The following GRID2 variants were observed in gnomAD, a reference collection of about 807,000 sequenced individuals.
The protein encoded by GRID2 is glutamate receptor ionotropic, delta-2.
Under a neutral mutation model 114.8 loss-of-function variants are expected in GRID2, and 33 were observed. That is an observed-to-expected ratio of 0.29 (90% confidence interval 0.22 to 0.38). GRID2 has a LOEUF of 0.38. Among genes scored for constraint, GRID2 ranks in the 10% least tolerant of loss-of-function variants. The pLI is 1.00. For missense variants in GRID2, 1,184 were observed against 1,257.7 expected, an observed-to-expected ratio of 0.94 and a Z score of 0.89; for synonymous variants, 505 against 449.9, an observed-to-expected ratio of 1.12 and a Z score of -1.55.
intron 9 of GRID2, among the ~76,000 whole-genome samples, chr4:93,408,593 A>C (rs1429198500): frequency 6.6e-6 from 1 of 152,156 alleles, no homozygotes; most frequent in Non-Finnish European, 1.5e-5. Context: ...TCAGTACTAC[A>C]GTCTGGATCC....
chr4:92,792,823 G>A (rs1266893466), intron 2 of GRID2, among the ~76,000 whole-genome samples: 1 of 150,918 alleles, frequency 6.6e-6, no homozygotes, highest in Non-Finnish European at 1.5e-5. Context: ...CATAATGCCA[G>A]TCTACGATCT....
chr4:92,534,422 G>C (rs1321102375), intron 1 of GRID2, among the ~76,000 whole-genome samples: 2 of 152,042 alleles, frequency 1.3e-5, no homozygotes, highest in Admixed American at 1.3e-4. Context: ...ATCTTCTGAA[G>C]ATAAAAACAG....
chr4:93,708,490 T>G (rs2118987), intron 14 of GRID2, among the ~76,000 whole-genome samples: 146,332 of 152,076 alleles, frequency 0.96, 70,467 homozygotes, highest in East Asian at 1. Context: ...AGCTACTTCT[T>G]ATCTTTTCCG....
At chr4:92,438,586 G>A (rs1051525436) in intron 1 of GRID2, among the ~76,000 whole-genome samples, 4 of 151,526 alleles carry the variant, frequency 2.6e-5, no homozygotes, top group African/African-American at 9.7e-5. Flanking sequence ...TTCTGTGTGT[G>A]TGTGTGTGTG....
At chr4:93,720,744 A>G (rs1017782430) in intron 14 of GRID2, among the ~76,000 whole-genome samples, 2 of 152,230 alleles carry the variant, frequency 1.3e-5, no homozygotes, top group Non-Finnish European at 2.9e-5. Context: ...AGGAAAGTTT[A>G]ATCACTACAT....
At chr4:93,337,759 A>C (rs1443640354) in intron 8 of GRID2, among the ~76,000 whole-genome samples, 3 of 152,216 alleles carry the variant, frequency 2.0e-5, no homozygotes, top group African/African-American at 7.2e-5. Context: ...ACAAATAAAA[A>C]TGTTTATATG....
chr4:93,131,951 T>G (rs1263474901), intron 4 of GRID2, among the ~76,000 whole-genome samples: 2 of 152,200 alleles, frequency 1.3e-5, no homozygotes, highest in African/African-American at 4.8e-5. Flanking sequence ...TATTGTTATA[T>G]CTGTGATCTG....
intron 8 of GRID2, among the ~76,000 whole-genome samples, chr4:93,283,343 G>T (rs567459422): frequency 2.0e-5 from 3 of 151,926 alleles, no homozygotes; most frequent in Non-Finnish European, 4.4e-5. Context: ...AATGAAACTT[G>T]TTTTCTTTCT....
At chr4:93,044,100 A>C (rs1006113081) in intron 2 of GRID2, among the ~76,000 whole-genome samples, 1 of 152,088 alleles carries the variant, frequency 6.6e-6, no homozygotes, top group East Asian at 1.9e-4. Context: ...GAAAACCAAC[A>C]AGTATTTCTC....
intron 13 of GRID2, among the ~76,000 whole-genome samples, chr4:93,602,096 C>A (rs1186581805): frequency 6.6e-6 from 1 of 152,116 alleles, no homozygotes; most frequent in Non-Finnish European, 1.5e-5. Context: ...ATTGCCAACA[C>A]CAAGTCCTAA....
In GRID2 at chr4:93,490,795, C is replaced by G; in HGVS notation, c.1997+18C>G. Reference sequence around the variant, plus strand: ...TCCATCCAGTAAGTAAACAATGTTTCCATTAGCCACAAAATATGAGAAATG... The same window carrying G: ...TCCATCCAGTAAGTAAACAATGTTTGCATTAGCCACAAAATATGAGAAATG... On this transcript the variant is annotated intron_variant, in intron 12 of 15. Transcript: ENST00000282020. 1.3e-6 allele frequency: 2 copies of G among 1,567,690 alleles called. No homozygotes were observed. Among genetic ancestry groups the G allele is most frequent in the Admixed American group, 3.4e-5 (2 of 58,854 alleles).
chr4:93,088,684 AAT>A (rs1730531343), intron 3 of GRID2, among the ~76,000 whole-genome samples: 1 of 152,156 alleles, frequency 6.6e-6, no homozygotes, highest in African/African-American at 2.4e-5. Context: ...TATTAAAAAT[AAT>A]ATCTCTGAGC....
intron 1 of GRID2, among the ~76,000 whole-genome samples, chr4:92,449,109 T>G (rs553816021): frequency 6.6e-6 from 1 of 152,286 alleles, no homozygotes; most frequent in African/African-American, 2.4e-5. Flanking sequence ...AATTATACAT[T>G]ATATATGGCT....
At chr4:93,128,556 C>A (rs1239078363) in intron 4 of GRID2, among the ~76,000 whole-genome samples, 1 of 152,196 alleles carries the variant, frequency 6.6e-6, no homozygotes, top group East Asian at 1.9e-4. Context: ...TCTAAGAGAT[C>A]CAATTTGTCA....
At chr4:93,742,691 A>G (rs1472350690) in intron 14 of GRID2, among the ~76,000 whole-genome samples, 2 of 152,158 alleles carry the variant, frequency 1.3e-5, no homozygotes, top group East Asian at 3.8e-4. Context: ...GGGCACAATA[A>G]ACCGAACCCA....
intron 13 of GRID2, among the ~76,000 whole-genome samples, chr4:93,555,650 C>G (rs1292827235): frequency 1.3e-5 from 2 of 152,198 alleles, no homozygotes; most frequent in Non-Finnish European, 2.9e-5. Flanking sequence ...GGACAGAGCA[C>G]CTGGGGGAAG....
chr4:93,716,363 G>C (rs1389311361), intron 14 of GRID2, among the ~76,000 whole-genome samples: 1 of 152,112 alleles, frequency 6.6e-6, no homozygotes, highest in East Asian at 1.9e-4. Context: ...ACAGCAGGGG[G>C]CAGAGTTCAG....
chr4:92,418,232 A>T (rs992152676), intron 1 of GRID2, among the ~76,000 whole-genome samples: 1 of 152,092 alleles, frequency 6.6e-6, no homozygotes, highest in African/African-American at 2.4e-5. Context: ...GCATGTCCCC[A>T]CACTCTATGG....
chr4:92,448,938 A>T (rs1720737467), intron 1 of GRID2, among the ~76,000 whole-genome samples: 1 of 152,092 alleles, frequency 6.6e-6, no homozygotes, highest in Admixed American at 6.6e-5. Context: ...ATTTATAAAG[A>T]TTATTATAGT....
Sources: allele counts gnomAD v4.1 joint callset (sites outside exome capture counted in the v4.1 genomes callset), GRCh38; gene constraint gnomAD v4.1.1; transcripts MANE v1.5; gene names NCBI Gene and HGNC (gene_info 2026-07-23, HGNC 2026-07-21).